Variants in EML2 observed in about 807,000 individuals in gnomAD.
EML2 encodes echinoderm microtubule-associated protein-like 2.
EML2 carries 59 observed loss-of-function variants against 84.7 expected under a neutral mutation model. The observed-to-expected ratio is 0.70, with a 90% CI of 0.56 to 0.86. EML2 has a LOEUF of 0.86. Among genes scored for constraint, EML2 ranks in the 40% least tolerant of loss-of-function variants. The probability of loss-of-function intolerance (pLI) is 0.00; values close to 1 mark genes in which losing one functional copy is unlikely to be tolerated. For missense variants in EML2, 818 were observed against 855.6 expected (o/e 0.96, Z 0.55); for synonymous variants, 352 against 348.9 (o/e 1.01, Z -0.10).
At chr19:45,619,256 T>C in intron 11 of EML2, 65 bp from the exon 12 acceptor site, 1 of 1,532,390 alleles carries the variant, frequency 6.5e-7, no homozygotes, top group Non-Finnish European at 8.8e-7. Flanking sequence ...TCAACACTAA[T>C]GCCAGACAAA....
chr19:45,639,307 C>T (rs759390899), intron 1 of EML2, 50 bp downstream of exon 1: 12 of 1,347,464 alleles, frequency 8.9e-6, no homozygotes, highest in African/African-American at 7.6e-5. Context: ...GAGATCTAAG[C>T]CCCGGGAGCG....
At chr19:45,638,001 G>A (rs1973974180) in intron 3 of EML2, among the ~76,000 whole-genome samples, 1 of 151,776 alleles carries the variant, frequency 6.6e-6, no homozygotes, top group African/African-American at 2.4e-5. Flanking sequence ...CTGTAAAGAC[G>A]AGGTCTTGCT....
intron 1 of EML2, 174 bp from the exon 2 acceptor site, chr19:45,639,047 G>A (rs1410546157): frequency 1.2e-6 from 1 of 858,486 alleles, no homozygotes. Context: ...TGATCTTGCA[G>A]AGCCTAAGAC....
chr19:45,621,510 A>G lies in EML2; in HGVS notation c.969T>C (p.Ser323=). The part of the protein sequence containing the change: ...GRDRRVVLWG[S]DYSKLQEVEV... Reference sequence around the variant, plus strand: ...CCACTTCCTGCAGCTTGCTGTAGTCAGAACCCCAGAGGACCACCCGCCGAT... The same window carrying G: ...CCACTTCCTGCAGCTTGCTGTAGTCGGAACCCCAGAGGACCACCCGCCGAT... The change falls in exon 10 of 19, where the codon TCT becomes TCC. Residue 323 remains serine (S), a synonymous_variant. Transcript: ENST00000245925. 3 of 1,611,792 alleles carry G rather than the reference A, an allele frequency of 1.9e-6. No homozygotes were observed. The highest frequency in any genetic ancestry group is 2.5e-6 in the Non-Finnish European group (3 of 1,179,868).
chr19:45,642,914 G>A (rs1182825847), upstream of EML2: 1 of 151,396 alleles, frequency 6.6e-6, no homozygotes, highest in Non-Finnish European at 1.5e-5. Context: ...GAACCCGGGG[G>A]GTCGGAGGTT....
rs768343736 is a variant in EML2, at chr19:45,638,589, A to G, written c.95T>C (p.Met32Thr). 1 of 1,614,086 alleles carries G rather than the reference A, an allele frequency of 6.2e-7. No individual in the cohort carries two copies. Among genetic ancestry groups the G allele is most frequent in the Non-Finnish European group, 8.5e-7 (1 of 1,180,028 alleles). Reference protein sequence around the residue: ...KMFLRGRPVPMMIPDELAPTY... With the variant: ...KMFLRGRPVPTMIPDELAPTY... ...GGGTGCCAGCTCGTCTGGGATCATC[A>G]TGGGCACAGGGCGGCCCCTCAGGAA... The change falls in exon 3 of 19, where the codon ATG becomes ACG. Residue 32 changes from methionine to threonine, a missense_variant. Coordinates refer to ENST00000245925, the MANE Select transcript of EML2 (RefSeq NM_012155.4).
intron 15 of EML2, chr19:45,616,245 C>T: frequency 1.8e-6 from 1 of 555,520 alleles, no homozygotes; most frequent in Admixed American, 3.2e-5. Flanking sequence ...GGCGGGGCTA[C>T]ACAGATGGGC....
intron 16 of EML2, 90 bp downstream of exon 16, chr19:45,615,712 G>A: frequency 8.7e-7 from 1 of 1,151,846 alleles, no homozygotes; most frequent in Non-Finnish European, 1.3e-6. Context: ...AAGGGAGCGA[G>A]GCTTGAAGCC....
chr19:45,618,352 G>A (rs1009939675), intron 12 of EML2, among the ~76,000 whole-genome samples: 1 of 151,920 alleles, frequency 6.6e-6, no homozygotes, highest in African/African-American at 2.4e-5. Flanking sequence ...TGGGATTACA[G>A]GTGTCAGCCA....
rs1420164114 is a variant in EML2, at chr19:45,626,803, G to T, written c.643C>A (p.Pro215Thr). The change falls in exon 8 of 19, where the codon CCC (proline) becomes ACC (threonine). Residue 215 changes from proline to threonine, a missense_variant. Coordinates refer to ENST00000245925, the MANE Select transcript of EML2 (RefSeq NM_012155.4). ...GTGATAAGCACAGTGGGGTCCGTGG[G>T]GTGGAAGGTGGCCACCAATACAGCC... ...NEAVLVATFH[P>T]TDPTVLITCG... The T allele has an allele frequency of 6.2e-7, 1 of 1,613,632 alleles. No individual in the cohort carries two copies. Among genetic ancestry groups the T allele is most frequent in the African/African-American group, 1.3e-5 (1 of 74,874 alleles).
intron 6 of EML2, among the ~76,000 whole-genome samples, chr19:45,630,851 TTTTTA>T (rs1425841378): frequency 2.6e-5 from 4 of 152,234 alleles, no homozygotes; most frequent in Admixed American, 1.3e-4. Flanking sequence ...TTTTGTTTGT[TTTTTA>T]TTTTATTTTA....
At chr19:45,645,217 A>C, upstream of EML2, 3 of 1,504,848 alleles carry the variant, frequency 2.0e-6, no homozygotes, top group Non-Finnish European at 2.7e-6. Context: ...CTGGGGCAAG[A>C]AGAGATGGGT....
chr19:45,632,523 G>T, intron 6 of EML2: 1 of 232,160 alleles, frequency 4.3e-6, no homozygotes, highest in Non-Finnish European at 8.6e-6. Flanking sequence ...TCACACACTT[G>T]GATGTTGTGG....
upstream of EML2, chr19:45,644,570 A>C (rs907248019): frequency 1.2e-5 from 5 of 403,544 alleles, no homozygotes; most frequent in Admixed American, 7.5e-5. Context: ...CAACCCCCAC[A>C]CCTCCACCAT....
intron 1 of EML2, 117 bp downstream of exon 1, chr19:45,639,240 T>G: frequency 4.6e-6 from 5 of 1,084,382 alleles, no homozygotes; most frequent in Non-Finnish European, 6.4e-6. Flanking sequence ...CGGGGAGAGT[T>G]TAAGGGAAGG....
upstream of EML2, chr19:45,643,491 G>T (rs755987402): frequency 6.9e-5 from 103 of 1,492,986 alleles, no homozygotes; most frequent in Non-Finnish European, 8.4e-5. Context: ...TCCCCGAGTC[G>T]CCCCCCCAAC....
At chr19:45,645,163 G>A (rs1368840791), upstream of EML2, 1 of 1,234,418 alleles carries the variant, frequency 8.1e-7, no homozygotes, top group African/African-American at 1.5e-5. Context: ...GAGAAAAGGG[G>A]GATCTTCAGC....
At chr19:45,642,565 T>A, upstream of EML2, 1 of 1,353,242 alleles carries the variant, frequency 7.4e-7, no homozygotes, top group Non-Finnish European at 9.5e-7. Flanking sequence ...CACACTCCTC[T>A]CTGCCACAGC....
At position 45,616,785 on chromosome 19, in the gene EML2, G is replaced by A; in HGVS notation, c.1391C>T (p.Ser464Leu). The stretch of plus-strand genomic sequence containing the variant: ...CTTACCTGGGGAGAAGCTGACCACT[G>A]AGATCTGTTCATTGCCGTCTGTGTG... ...AIHTDGNEQI[S>L]VVSFSPDGAY... The change falls in exon 14 of 19, where the codon TCA becomes TTA. Residue 464 changes from serine to leucine, a missense_variant. Physicochemically the swap from Ser to Leu is moderately radical, Grantham distance 145. Coordinates refer to ENST00000245925, the MANE Select transcript of EML2 (RefSeq NM_012155.4). 1 of 1,613,290 alleles carries A rather than the reference G, an allele frequency of 6.2e-7. No individual in the cohort carries two copies. Among genetic ancestry groups the A allele is most frequent in the Non-Finnish European group, 8.5e-7 (1 of 1,179,914 alleles).
Sources: gnomAD v4.1 joint callset for allele counts (sites outside exome capture counted in the v4.1 genomes callset) on GRCh38, gnomAD v4.1.1 for gene constraint, MANE v1.5 for transcripts, NCBI Gene and HGNC (gene_info 2026-07-23, HGNC 2026-07-21) for gene names.